The following PFDN4 variants were observed in gnomAD, a reference collection of about 807,000 sequenced individuals.
The protein encoded by PFDN4 is prefoldin subunit 4, also known as prefoldin 4.
Under a neutral mutation model 17.6 loss-of-function variants are expected in PFDN4, and 6 were observed. The observed-to-expected ratio is 0.34, with a 90% CI of 0.19 to 0.67. The LOEUF (loss-of-function observed/expected upper bound fraction) is 0.67, where lower values mean the gene tolerates loss of function less well. Among genes scored for constraint, PFDN4 ranks in the 30% least tolerant of loss-of-function variants. The probability of loss-of-function intolerance (pLI) is 0.68; values close to 1 mark genes in which losing one functional copy is unlikely to be tolerated. For synonymous variants in PFDN4, 48 were observed against 51.1 expected, an observed-to-expected ratio of 0.94 and a Z score of 0.26; for missense variants, 119 against 158.4, an observed-to-expected ratio of 0.75 and a Z score of 1.33.
At chr20:54,211,598 G>C (rs1199762643) in intron 1 of PFDN4, among the ~76,000 whole-genome samples, 4 of 152,190 alleles carry the variant, frequency 2.6e-5, no homozygotes, top group African/African-American at 9.7e-5. Flanking sequence ...ATTTGCCCAA[G>C]GTTCCTGTTT....
chr20:54,217,212 T>C (rs2092763740), intron 3 of PFDN4, among the ~76,000 whole-genome samples: 1 of 151,094 alleles, frequency 6.6e-6, no homozygotes, highest in Non-Finnish European at 1.5e-5. Flanking sequence ...ACATCAAGGG[T>C]CAGGGAAGGG....
intron 1 of PFDN4, among the ~76,000 whole-genome samples, chr20:54,211,519 C>T (rs6123366): frequency 6.6e-6 from 1 of 152,188 alleles, no homozygotes; most frequent in Non-Finnish European, 1.5e-5. Context: ...TTTATCAACC[C>T]TATAAGGTAG....
At position 54,219,479 on chromosome 20, in the gene PFDN4, G is replaced by A. The variant is rs577162286; in HGVS notation, c.*329G>A. 7.6e-4 allele frequency: 288 copies of A among 381,202 alleles called. 2 individuals carry two copies. Among genetic ancestry groups the A allele is most frequent in the South Asian group, 1.3e-3 (10 of 7,672 alleles). The allele number at this position is 381,202 out of a possible 1,614,324, so 23.6% of individuals were successfully genotyped here. ...TTTCACATAAGAAAATTTAACAGTT[G>A]TGTCATGTTGTTTCTGTCTGATTTT... is the stretch of plus-strand genomic sequence containing the variant. On this transcript the variant is annotated 3_prime_UTR_variant, in exon 4 of 4. Coordinates refer to ENST00000371419, the MANE Select transcript of PFDN4 (RefSeq NM_002623.4).
chr20:54,214,904 T>C (rs956906753), intron 2 of PFDN4, among the ~76,000 whole-genome samples: 1 of 152,250 alleles, frequency 6.6e-6, no homozygotes, highest in African/African-American at 2.4e-5. Flanking sequence ...TTATCACTTA[T>C]GCATGCTGGC....
At chr20:54,210,394 T>A (rs139820227) in intron 1 of PFDN4, among the ~76,000 whole-genome samples, 1 of 152,208 alleles carries the variant, frequency 6.6e-6, no homozygotes, top group Non-Finnish European at 1.5e-5. Flanking sequence ...AGAAAACATA[T>A]GTGTATGCCA....
chr20:54,213,409 TCA>T (rs1200435456), intron 1 of PFDN4, among the ~76,000 whole-genome samples: 6 of 151,666 alleles, frequency 4.0e-5, no homozygotes, highest in African/African-American at 7.3e-5. Flanking sequence ...GTGTACACAC[TCA>T]CACACACACG....
chr20:54,214,283 A>C, intron 1 of PFDN4, 68 bp from the exon 2 acceptor site: 1 of 791,018 alleles, frequency 1.3e-6, no homozygotes, highest in Middle Eastern at 3.5e-4. Flanking sequence ...GTTATTGTTG[A>C]GAAATATAAA....
chr20:54,208,159 C>G, intron 1 of PFDN4, 35 bp downstream of exon 1: 2 of 1,518,020 alleles, frequency 1.3e-6, no homozygotes, highest in Non-Finnish European at 1.8e-6. Context: ...GATGCTCGGG[C>G]GGCGCCGGAT....
chr20:54,210,946 A>G (rs1182180452), intron 1 of PFDN4, among the ~76,000 whole-genome samples: 2 of 152,224 alleles, frequency 1.3e-5, no homozygotes, highest in Non-Finnish European at 2.9e-5. Flanking sequence ...TTAGCTGGGC[A>G]TGATGGCGTT....
At position 54,219,042 on chromosome 20, in the gene PFDN4, C is replaced by T. The variant is rs145690568; in HGVS notation, c.297C>T (p.Asp99=). Residue 99 remains aspartate (D), a synonymous_variant, in exon 4 of 4, where the codon GAC becomes GAT. Transcript: ENST00000371419. ...EAKKNLQEEI[D]ALESRVESIQ... is the part of the protein sequence containing the mutation. ...AGAAAAATTTGCAAGAAGAAATTGA[C>T]GCCTTAGAATCCAGAGTGGAATCAA... 131 of 1,551,036 alleles carry T rather than the reference C, an allele frequency of 8.4e-5. No individual in the cohort carries two copies. The African/African-American group carries it at 1.1e-3, about 13-fold the overall frequency.
chr20:54,215,200 A>G (rs2092761003), intron 2 of PFDN4, 100 bp from the exon 3 acceptor site: 1 of 760,508 alleles, frequency 1.3e-6, no homozygotes, highest in East Asian at 2.5e-5. Context: ...TACCTTTGTG[A>G]GAGGGTCCCT....
intron 1 of PFDN4, among the ~76,000 whole-genome samples, chr20:54,213,160 GTTACTGCAAAAGAGCCAAAA>G (rs2092758230): frequency 6.6e-6 from 1 of 152,134 alleles, no homozygotes; most frequent in Non-Finnish European, 1.5e-5. Flanking sequence ...GCTCATTACT[GTTACTGCAAAAGAGCCAAAA>G]GTAGTGTTTC....
At chr20:54,214,825 C>T (rs924293823) in intron 2 of PFDN4, among the ~76,000 whole-genome samples, 3 of 152,142 alleles carry the variant, frequency 2.0e-5, no homozygotes, top group Admixed American at 6.5e-5. Flanking sequence ...AAATCTGGGG[C>T]CTGTGTCCAG....
intron 3 of PFDN4, 36 bp from the exon 4 acceptor site, chr20:54,218,983 A>G (rs1383251438): frequency 7.8e-7 from 1 of 1,290,108 alleles, no homozygotes. Context: ...AAATCATCCT[A>G]TTGAATAGAA....
At chr20:54,211,230 G>T (rs1034920546) in intron 1 of PFDN4, among the ~76,000 whole-genome samples, 35 of 152,198 alleles carry the variant, frequency 2.3e-4, no homozygotes, top group African/African-American at 8.0e-4. Flanking sequence ...TGTCAGTGCA[G>T]ACTCCGTGTA....
intron 1 of PFDN4, chr20:54,209,053 GA>G (rs1364209194): frequency 6.6e-6 from 1 of 152,274 alleles, no homozygotes; most frequent in Non-Finnish European, 1.5e-5. Context: ...TGGAGAGGGG[GA>G]AGGAGATAAC....
chr20:54,210,493 A>G (rs1447088866), intron 1 of PFDN4, among the ~76,000 whole-genome samples: 1 of 152,218 alleles, frequency 6.6e-6, no homozygotes, highest in Non-Finnish European at 1.5e-5. Flanking sequence ...TTTGTAACAC[A>G]TCGTATCTCT....
Position 54,219,117 on chromosome 20 carries a change from G to C in PFDN4, c.372G>C (p.Gly124=), listed in dbSNP as rs746497738. ...DLKVQLYAKF[G]SNINLEADES ...AAGTTCAGTTGTATGCAAAATTCGGGAGCAACATAAACCTTGAAGCTGATG... is the reference window on the plus strand; with the variant it reads ...AAGTTCAGTTGTATGCAAAATTCGGCAGCAACATAAACCTTGAAGCTGATG... Residue 124 remains glycine, a synonymous_variant, in exon 4 of 4, where the codon GGG becomes GGC. Coordinates refer to ENST00000371419, the MANE Select transcript of PFDN4 (RefSeq NM_002623.4). 6.3e-7 allele frequency: 1 copy of C among 1,586,984 alleles called. No individual in the cohort carries two copies. Among genetic ancestry groups the C allele is most frequent in the Admixed American group, 1.7e-5 (1 of 57,636 alleles).
chr20:54,212,195 CA>C (rs11468663), intron 1 of PFDN4, among the ~76,000 whole-genome samples: 59,288 of 131,266 alleles, frequency 0.45, 12,633 homozygotes, highest in African/African-American at 0.62. Flanking sequence ...TCTGTCTCAC[CA>C]AAAAAAAAAA....
Sources: allele counts gnomAD v4.1 joint callset (sites outside exome capture counted in the v4.1 genomes callset), GRCh38; gene constraint gnomAD v4.1.1; transcripts MANE v1.5; gene names NCBI Gene and HGNC (gene_info 2026-07-23, HGNC 2026-07-21).